ARID1B: variants seen among roughly 807,000 people sequenced by gnomAD.
ARID1B encodes the protein AT-rich interaction domain 1B.
ARID1B carries 30 observed loss-of-function variants against 212.3 expected under a neutral mutation model. The ratio of observed to expected loss-of-function variants is 0.14; its 90% CI spans 0.11 to 0.19. The LOEUF (loss-of-function observed/expected upper bound fraction) is 0.19. ARID1B is among the 10% of genes least tolerant of loss of function. ARID1B has a pLI of 1.00. For missense variants in ARID1B, 2,891 were observed against 3,204.0 expected, an observed-to-expected ratio of 0.90 and a Z score of 2.36; for synonymous variants, 1,402 against 1,301.7, an observed-to-expected ratio of 1.08 and a Z score of -1.66.
At chr6:156,904,163 G>A (rs1789172155) in intron 3 of ARID1B, among the ~76,000 whole-genome samples, 1 of 152,074 alleles carries the variant, frequency 6.6e-6, no homozygotes, top group Non-Finnish European at 1.5e-5. Flanking sequence ...ATATCAAGAA[G>A]CACAATACCA....
rs116184532 is a variant in ARID1B, at chr6:156,923,183, C to T, written c.2137-12283C>T. 2.3e-3 allele frequency among the ~76,000 whole-genome samples: 350 copies of T among 152,318 alleles called. 1 individual carries two copies. Among genetic ancestry groups the T allele is most frequent in the African/African-American group, 7.5e-3 (312 of 41,560 alleles). ...GGGAAATTAGCCATTGTTAATGTTACAGCAAAATGCCCTATTACAGATGCT... is the reference window on the plus strand; with the variant it reads ...GGGAAATTAGCCATTGTTAATGTTATAGCAAAATGCCCTATTACAGATGCT... On this transcript the variant is annotated intron_variant, in intron 3 of 19. Coordinates refer to ENST00000636930, the MANE Select transcript of ARID1B (RefSeq NM_001374828.1).
intron 4 of ARID1B, chr6:156,941,583 ATTTC>A (rs888156199): frequency 6.6e-6 from 1 of 152,184 alleles, no homozygotes; most frequent in African/African-American, 2.4e-5. Flanking sequence ...AAAATGGATT[ATTTC>A]TTTAGGATGT....
At chr6:156,892,272 T>C (rs1344864309) in intron 2 of ARID1B, among the ~76,000 whole-genome samples, 1 of 152,154 alleles carries the variant, frequency 6.6e-6, no homozygotes, top group African/African-American at 2.4e-5. Flanking sequence ...TGACTTGCCT[T>C]ACATATTTTA....
intron 8 of ARID1B, chr6:157,151,383 G>A (rs915598956): frequency 6.6e-6 from 1 of 152,162 alleles, no homozygotes; most frequent in African/African-American, 2.4e-5. Flanking sequence ...ATAGGACTTA[G>A]GAGGAGTTTC....
chr6:157,178,200 A>G (rs938508435), intron 11 of ARID1B, among the ~76,000 whole-genome samples: 2 of 152,070 alleles, frequency 1.3e-5, no homozygotes, highest in Non-Finnish European at 2.9e-5. Context: ...GGATATTTGA[A>G]TCAGCTGTTA....
At chr6:157,175,139 A>G in intron 11 of ARID1B, 134 bp downstream of exon 11, 1 of 793,930 alleles carries the variant, frequency 1.3e-6, no homozygotes, top group Non-Finnish European at 1.7e-6. Flanking sequence ...TTTATCCATG[A>G]AAGGGTTTTC....
rs796777120 is a variant in ARID1B at position 157,139,727 on chromosome 6, A to AT, written c.2761+6532dup. 1.4e-3 allele frequency among the ~76,000 whole-genome samples: 200 copies of AT among 145,538 alleles called. 2 individuals are homozygous for AT. The highest frequency in any genetic ancestry group is 5.0e-3 in the South Asian group (23 of 4,622). On this transcript the variant is annotated intron_variant, in intron 7 of 19. Coordinates refer to ENST00000636930, the MANE Select transcript of ARID1B (RefSeq NM_001374828.1). ...AGAGAGAGCTATATATATAATTATT[A>AT]TTTTTTTTTTTTGAAGATGGAGTTT...
At chr6:156,939,550 T>C (rs1792507997) in intron 4 of ARID1B, 1 of 152,198 alleles carries the variant, frequency 6.6e-6, no homozygotes, top group African/African-American at 2.4e-5. Context: ...TATTTTAAAA[T>C]AAATTATTTC....
chr6:157,160,519 A>G (rs946060119), intron 8 of ARID1B, among the ~76,000 whole-genome samples: 2 of 152,168 alleles, frequency 1.3e-5, no homozygotes, highest in Non-Finnish European at 2.9e-5. Flanking sequence ...TGGTTGTGGT[A>G]ACAGCCTCGT....
intron 1 of ARID1B, among the ~76,000 whole-genome samples, chr6:156,820,676 T>G (rs1034538846): frequency 3.9e-5 from 6 of 152,206 alleles, no homozygotes; most frequent in Admixed American, 1.3e-4. Flanking sequence ...ACAGGCAGGA[T>G]TCTCACCCAG....
chr6:157,116,068 A>G (rs891740990), intron 6 of ARID1B, among the ~76,000 whole-genome samples: 7 of 152,216 alleles, frequency 4.6e-5, no homozygotes. Context: ...TAATCTTTAT[A>G]TGTCTTGAAA....
At chr6:157,016,864 A>G (rs1196415770) in intron 4 of ARID1B, among the ~76,000 whole-genome samples, 1 of 152,244 alleles carries the variant, frequency 6.6e-6, no homozygotes, top group African/African-American at 2.4e-5. Context: ...CAATTGGCCC[A>G]TGGAAAACTT....
At chr6:156,996,945 A>T (rs1420025051) in intron 4 of ARID1B, among the ~76,000 whole-genome samples, 1 of 152,220 alleles carries the variant, frequency 6.6e-6, no homozygotes, top group Non-Finnish European at 1.5e-5. Context: ...AGAAAATATG[A>T]TATTTGATGT....
At chr6:157,051,062 T>C (rs1782571535) in intron 4 of ARID1B, among the ~76,000 whole-genome samples, 1 of 152,202 alleles carries the variant, frequency 6.6e-6, no homozygotes, top group Non-Finnish European at 1.5e-5. Flanking sequence ...GCAGGGCTGG[T>C]GATTAGAGTG....
chr6:156,994,955 G>A (rs1778502225), intron 4 of ARID1B, among the ~76,000 whole-genome samples: 1 of 152,244 alleles, frequency 6.6e-6, no homozygotes, highest in Non-Finnish European at 1.5e-5. Context: ...CTGGGGCTGG[G>A]TGGACTGAGG....
chr6:156,832,472 A>C (rs967281799), intron 2 of ARID1B, among the ~76,000 whole-genome samples: 1 of 152,220 alleles, frequency 6.6e-6, no homozygotes, highest in African/African-American at 2.4e-5. Flanking sequence ...GATGGCTTCC[A>C]GAACGTTCTG....
At chr6:157,107,873 A>C (rs561965086) in intron 5 of ARID1B, 1 of 152,308 alleles carries the variant, frequency 6.6e-6, no homozygotes, top group Non-Finnish European at 1.5e-5. Flanking sequence ...TGTAATTTTG[A>C]AGGTGTTTAT....
At position 157,148,838 on chromosome 6, in the gene ARID1B, C is replaced by A. The variant is rs2128634622; in HGVS notation, c.2976C>A (p.Gly992=). 1 of 1,613,024 alleles carries A rather than the reference C, an allele frequency of 6.2e-7. No individual in the cohort carries two copies. The highest frequency in any genetic ancestry group is 8.5e-7 in the Non-Finnish European group (1 of 1,179,948). The change falls in exon 8 of 20, where the codon GGC becomes GGA. Residue 992 remains glycine (G), a synonymous_variant. Coordinates refer to ENST00000636930, the MANE Select transcript of ARID1B (RefSeq NM_001374828.1). The surrounding 1 kb of genome is among the most constrained non-coding windows in gnomAD (Gnocchi z 5.6). The stretch of plus-strand genomic sequence containing the variant: ...GCAGCATGACCCCCAGTTCTCCTGG[C>A]ATGTCTCAGCAGGGAGGGCCAGGAA... ...NMSSMTPSSP[G]MSQQGGPGMG...
intron 1 of ARID1B, among the ~76,000 whole-genome samples, chr6:156,809,689 A>T (rs566172182): frequency 9.3e-4 from 132 of 141,924 alleles, no homozygotes; most frequent in Non-Finnish European, 1.6e-3. Flanking sequence ...TGTCAAGAGC[A>T]TGTGAAGATT....
Sources: gnomAD v4.1 joint callset for allele counts (sites outside exome capture counted in the v4.1 genomes callset) on GRCh38, gnomAD v4.1.1 for gene constraint, Gnocchi (gnomAD v3.1) non-coding constraint, MANE v1.5 for transcripts, NCBI Gene and HGNC (gene_info 2026-07-23, HGNC 2026-07-21) for gene names.